The following CALD1 variants were observed in gnomAD, a reference collection of about 807,000 sequenced individuals.
The protein encoded by CALD1 is caldesmon.
Under a neutral mutation model 99.9 loss-of-function variants are expected in CALD1, and 33 were observed. The observed-to-expected ratio is 0.33, with a 90% CI of 0.25 to 0.44. The LOEUF (loss-of-function observed/expected upper bound fraction) is 0.44. CALD1 is among the 20% of genes least tolerant of loss of function. The probability of loss-of-function intolerance (pLI) is 1.00; values close to 1 mark genes in which losing one functional copy is unlikely to be tolerated. For synonymous variants in CALD1, 310 were observed against 325.0 expected (o/e 0.95, Z 0.50); for missense variants, 861 against 962.1 (o/e 0.89, Z 1.39).
At chr7:134,726,949 C>A in the CALD1 span, among the ~76,000 whole-genome samples, 1 of 152,206 alleles carries the variant, frequency 6.6e-6, no homozygotes, top group Non-Finnish European at 1.5e-5. Context: ...ACTAGAAAGT[C>A]CACATTGTTG....
chr7:134,799,849 T>C (rs959026300), intron 1 of CALD1, among the ~76,000 whole-genome samples: 2 of 152,156 alleles, frequency 1.3e-5, no homozygotes, highest in African/African-American at 4.8e-5. Flanking sequence ...AGATGGAAAT[T>C]GTGTTCATAT....
At chr7:134,776,095 T>C (rs1796916701), upstream of CALD1, among the ~76,000 whole-genome samples, 1 of 152,208 alleles carries the variant, frequency 6.6e-6, no homozygotes, top group Non-Finnish European at 1.5e-5. Context: ...TAAAGACCTT[T>C]ATTTCTCTTT....
chr7:134,829,268 C>T (rs935412049), intron 1 of CALD1, among the ~76,000 whole-genome samples: 4 of 152,142 alleles, frequency 2.6e-5, no homozygotes, highest in Admixed American at 1.3e-4. Flanking sequence ...CAGAGAATGA[C>T]GTGGAAGTAA....
chr7:134,863,929 A>C (rs886645100), intron 2 of CALD1, among the ~76,000 whole-genome samples: 1 of 152,226 alleles, frequency 6.6e-6, no homozygotes, highest in Non-Finnish European at 1.5e-5. Context: ...GGCAGAGAAA[A>C]AAAAGCAAGG....
intron 1 of CALD1, among the ~76,000 whole-genome samples, chr7:134,767,178 T>G (rs551368417): frequency 1.4e-5 from 2 of 140,280 alleles, no homozygotes; most frequent in East Asian, 4.0e-4. Flanking sequence ...GTACACACAC[T>G]CTCTCTCTCT....
At chr7:134,765,409 G>GT (rs537269982) in intron 1 of CALD1, among the ~76,000 whole-genome samples, 11 of 152,008 alleles carry the variant, frequency 7.2e-5, no homozygotes, top group African/African-American at 2.7e-4. Context: ...GAACAAATGA[G>GT]TTTTTTTTAA....
chr7:134,773,196 T>C (rs1796889888), intron 1 of CALD1, among the ~76,000 whole-genome samples: 1 of 152,128 alleles, frequency 6.6e-6, no homozygotes, highest in East Asian at 1.9e-4. Flanking sequence ...CACTCAGGTG[T>C]AATTATGCAG....
Position 134,936,437 on chromosome 7 carries a change from A to T in CALD1, c.1386+672A>T, listed in dbSNP as rs371889709. Among the ~76,000 whole-genome samples the T allele has an allele frequency of 8.1e-4, 123 of 152,314 alleles. 3 individuals are homozygous for T. The South Asian group carries it at 0.025, about 31-fold the overall frequency. ...AACACTTGATTGCACTTCAACTCTCATGCTGTGTTTGCCCCAAATAATCTT... is the reference window on the plus strand; with the variant it reads ...AACACTTGATTGCACTTCAACTCTCTTGCTGTGTTTGCCCCAAATAATCTT... On this transcript the variant is annotated intron_variant, in intron 6 of 14. Transcript: ENST00000361675.
At chr7:134,965,470 A>G (rs1286662062) in intron 14 of CALD1, 84 bp downstream of exon 14, 11 of 767,204 alleles carry the variant, frequency 1.4e-5, no homozygotes, top group East Asian at 1.2e-4. Flanking sequence ...CAGATGAGAA[A>G]TATCACTGAC....
intron 1 of CALD1, among the ~76,000 whole-genome samples, chr7:134,823,041 G>A (rs986197570): frequency 1.3e-5 from 2 of 152,096 alleles, no homozygotes; most frequent in East Asian, 3.8e-4. Flanking sequence ...GGGTCACCCT[G>A]CCCACCCCAC....
rs1807695073 is a variant in CALD1 at position 134,955,493 on chromosome 7, C to T, written c.1936-2576C>T. Among the ~76,000 whole-genome samples the T allele has an allele frequency of 1.3e-5, 2 of 152,220 alleles. 1 individual carries two copies. The highest frequency in any genetic ancestry group is 4.1e-4 in the South Asian group (2 of 4,830). ...ACAATAGAAATGTATTTCTCACAGT[C>T]CTGGAGGCTGGAAGTCCAAAATCAA... On this transcript the variant is annotated intron_variant, in intron 9 of 14. Transcript: ENST00000361675.
intron 1 of CALD1, among the ~76,000 whole-genome samples, chr7:134,814,233 G>T (rs9641997): frequency 0.2 from 30,550 of 152,146 alleles, 3,201 homozygotes; most frequent in East Asian, 0.29. Flanking sequence ...AATCACGAGA[G>T]GAAGTATAGA....
intron 1 of CALD1, among the ~76,000 whole-genome samples, chr7:134,802,543 A>T (rs1797987708): frequency 6.6e-6 from 1 of 152,190 alleles, no homozygotes; most frequent in South Asian, 2.1e-4. Context: ...TCAACTTATG[A>T]TGGGGTTATA....
At chr7:134,859,700 G>T (rs955531628) in intron 2 of CALD1, among the ~76,000 whole-genome samples, 1 of 152,112 alleles carries the variant, frequency 6.6e-6, no homozygotes. Context: ...TTACTTGGGA[G>T]GATCAAATAA....
chr7:134,953,469 G>A (rs1288845844), intron 9 of CALD1, among the ~76,000 whole-genome samples: 2 of 150,724 alleles, frequency 1.3e-5, no homozygotes, highest in Non-Finnish European at 3.0e-5. Flanking sequence ...GGCTGAGGCA[G>A]AAGAACTGCT....
intron 3 of CALD1, among the ~76,000 whole-genome samples, chr7:134,921,083 T>C (rs1182794126): frequency 2.0e-5 from 3 of 152,222 alleles, no homozygotes; most frequent in East Asian, 3.9e-4. Flanking sequence ...ACTGGCAATC[T>C]TGTAATCTCT....
chr7:134,792,544 G>A (rs1015920948), intron 1 of CALD1, among the ~76,000 whole-genome samples: 16 of 152,120 alleles, frequency 1.1e-4, no homozygotes, highest in African/African-American at 3.9e-4. Flanking sequence ...TGCCTGCCTT[G>A]GCCTCCCAAA....
chr7:134,737,753 T>C, the CALD1 span, among the ~76,000 whole-genome samples: 1 of 152,146 alleles, frequency 6.6e-6, no homozygotes, highest in African/African-American at 2.4e-5. Flanking sequence ...CGTGTGGGCT[T>C]GCTTGCTCCT....
intron 3 of CALD1, among the ~76,000 whole-genome samples, chr7:134,924,869 G>A (rs1586322022): frequency 6.6e-6 from 1 of 152,064 alleles, no homozygotes. Context: ...GAGTTCTCAC[G>A]AGATCTGATG....
Sources: gnomAD v4.1 joint callset for allele counts (sites outside exome capture counted in the v4.1 genomes callset) on GRCh38, gnomAD v4.1.1 for gene constraint, MANE v1.5 for transcripts, NCBI Gene and HGNC (gene_info 2026-07-23, HGNC 2026-07-21) for gene names.